NAA25: variants seen among roughly 807,000 people sequenced by gnomAD.
The protein encoded by NAA25 is N-alpha-acetyltransferase 25, NatB auxiliary subunit.
Under a neutral mutation model 132.5 loss-of-function variants are expected in NAA25, and 30 were observed. That is an observed-to-expected ratio of 0.23 (90% confidence interval 0.17 to 0.31). The LOEUF is 0.31. Among genes scored for constraint, NAA25 ranks in the 10% least tolerant of loss-of-function variants. NAA25 has a pLI of 1.00. For synonymous variants in NAA25, 359 were observed against 401.9 expected (o/e 0.89, Z 1.28); for missense variants, 771 against 1,150.4 (o/e 0.67, Z 4.77).
chr12:112,041,696 T>C (rs913959453), intron 20 of NAA25, among the ~76,000 whole-genome samples: 8 of 152,048 alleles, frequency 5.3e-5, no homozygotes, highest in African/African-American at 1.7e-4. Context: ...ATGTCACCAA[T>C]TGCGATAACA....
Position 112,047,802 on chromosome 12 carries a change from A to C in NAA25, c.1881-12T>G. The C allele has an allele frequency of 6.3e-7, 1 of 1,585,612 alleles. No homozygotes were observed. Among genetic ancestry groups the C allele is most frequent in the Non-Finnish European group, 8.5e-7 (1 of 1,169,598 alleles). On this transcript the variant is annotated splice_polypyrimidine_tract_variant and intron_variant, in intron 16 of 23. Coordinates refer to ENST00000261745, the MANE Select transcript of NAA25 (RefSeq NM_024953.4). Reference sequence around the variant, plus strand: ...CTAAACTGGTTGATCTGTGATAGAGAAAAATCCACATATTATTTTAATAGT... The same window carrying C: ...CTAAACTGGTTGATCTGTGATAGAGCAAAATCCACATATTATTTTAATAGT...
chr12:112,045,982 A>G (rs546025596), intron 17 of NAA25, among the ~76,000 whole-genome samples: 6 of 152,322 alleles, frequency 3.9e-5, no homozygotes, highest in African/African-American at 4.8e-5. Flanking sequence ...TTATGACAGT[A>G]TGTGTAGAAA....
rs2078288666 is a variant in NAA25 at position 112,040,586 on chromosome 12, C to G, written c.2441-8G>C. The G allele has an allele frequency of 6.7e-7, 1 of 1,502,572 alleles. No homozygotes were observed. The allele number at this position is 1,502,572 out of a possible 1,614,324, so 93.1% of individuals were successfully genotyped here. On this transcript the variant is annotated splice_polypyrimidine_tract_variant and splice_region_variant and intron_variant, in intron 20 of 23. Transcript: ENST00000261745. ...TACATTTACTGAAGACATCTGAAAACAAAAAACATTTTAGTTTTATTCAGC... is the reference window on the plus strand; with the variant it reads ...TACATTTACTGAAGACATCTGAAAAGAAAAAACATTTTAGTTTTATTCAGC...
intron 15 of NAA25, 65 bp from the exon 16 acceptor site, chr12:112,048,508 G>T: frequency 7.0e-7 from 1 of 1,430,946 alleles, no homozygotes; most frequent in Non-Finnish European, 9.7e-7. Flanking sequence ...AGCAAACCTT[G>T]CCAGCCAAAA....
chr12:112,094,173 G>A (rs1221264354), intron 1 of NAA25, among the ~76,000 whole-genome samples: 1 of 149,538 alleles, frequency 6.7e-6, no homozygotes, highest in South Asian at 2.1e-4. Flanking sequence ...CCCAGGAGGC[G>A]GAGCTTACAG....
intron 11 of NAA25, among the ~76,000 whole-genome samples, 164 bp downstream of exon 11, chr12:112,068,716 C>T (rs530673048): frequency 1.3e-5 from 2 of 152,278 alleles, no homozygotes; most frequent in African/African-American, 4.8e-5. Flanking sequence ...AGAAATTATG[C>T]CTTCAGTGTT....
chr12:112,031,447 A>G (rs756898187), intron 23 of NAA25, among the ~76,000 whole-genome samples: 1 of 152,222 alleles, frequency 6.6e-6, no homozygotes, highest in Non-Finnish European at 1.5e-5. Context: ...CCATAATCCT[A>G]TGAAGTAGGC....
intron 4 of NAA25, among the ~76,000 whole-genome samples, chr12:112,084,998 G>A (rs890427344): frequency 1.3e-5 from 2 of 152,092 alleles, no homozygotes; most frequent in African/African-American, 4.8e-5. Context: ...TTGGGAGGCT[G>A]AGGCAGGTGG....
intron 1 of NAA25, chr12:112,097,185 G>A (rs2079224510): frequency 6.6e-6 from 1 of 152,184 alleles, no homozygotes; most frequent in Non-Finnish European, 1.5e-5. Flanking sequence ...GCCAGAGTCA[G>A]TAAGTTACAA....
chr12:112,035,837 A>C (rs749176389), intron 22 of NAA25, among the ~76,000 whole-genome samples: 1 of 151,946 alleles, frequency 6.6e-6, no homozygotes, highest in Non-Finnish European at 1.5e-5. Context: ...ATGTGCCACC[A>C]TGCCCAACTA....
chr12:112,047,650 T>A lies in NAA25; in HGVS notation c.2006+15A>T, dbSNP rs1468986826. On this transcript the variant is annotated intron_variant, in intron 17 of 23. Transcript: ENST00000261745. ...CAAAAACTTTAAAAATTGCTTGGGGTTAAATTCCAGTTACCTGTCTTTTGG... is the reference window on the plus strand; with the variant it reads ...CAAAAACTTTAAAAATTGCTTGGGGATAAATTCCAGTTACCTGTCTTTTGG... The A allele has an allele frequency of 5.6e-6, 9 of 1,607,308 alleles. No homozygotes were observed. Among genetic ancestry groups the A allele is most frequent in the Non-Finnish European group, 7.6e-6 (9 of 1,178,338 alleles).
intron 5 of NAA25, 32 bp downstream of exon 5, chr12:112,081,028 A>C: frequency 6.4e-7 from 1 of 1,555,542 alleles, no homozygotes; most frequent in Non-Finnish European, 8.9e-7. Context: ...AATAAAACCA[A>C]ACCTCAATCC....
intron 22 of NAA25, among the ~76,000 whole-genome samples, chr12:112,036,705 T>C (rs985991026): frequency 6.6e-6 from 1 of 151,680 alleles, no homozygotes; most frequent in African/African-American, 2.4e-5. Flanking sequence ...AAAAACTAAC[T>C]GGGAGAGCGG....
Position 112,090,683 on chromosome 12 carries a change from T to A in NAA25, c.283+43A>T, listed in dbSNP as rs770566282. The A allele has an allele frequency of 3.1e-6, 5 of 1,594,292 alleles. No individual in the cohort carries two copies. The South Asian group carries it at 4.5e-5, about 14-fold the overall frequency. On this transcript the variant is annotated intron_variant, in intron 3 of 23. Transcript: ENST00000261745. ...GGCAAACAGTCAGAAATATCCAAAA[T>A]TTTCAGCTCAAGTTTAAAAACAATG...
chr12:112,037,088 T>C (rs567195161), intron 22 of NAA25, among the ~76,000 whole-genome samples: 2 of 151,872 alleles, frequency 1.3e-5, no homozygotes, highest in South Asian at 2.1e-4. Flanking sequence ...GGAGCATTTA[T>C]GCTGTTCCAG....
intron 8 of NAA25, 112 bp downstream of exon 8, chr12:112,075,566 T>C: frequency 2.5e-6 from 2 of 801,100 alleles, no homozygotes; most frequent in Non-Finnish European, 4.0e-6. Context: ...ACACAACTAC[T>C]ATAAGAAGAC....
intron 23 of NAA25, among the ~76,000 whole-genome samples, chr12:112,032,640 C>A (rs2078165018): frequency 6.6e-6 from 1 of 152,248 alleles, no homozygotes; most frequent in South Asian, 2.1e-4. Flanking sequence ...TACTCCAGGC[C>A]GGTGAATTAA....
intron 11 of NAA25, among the ~76,000 whole-genome samples, chr12:112,067,717 G>A (rs975657183): frequency 2.0e-5 from 3 of 151,994 alleles, no homozygotes; most frequent in Non-Finnish European, 2.9e-5. Context: ...TTAAATAAAC[G>A]GAATCATACT....
intron 1 of NAA25, among the ~76,000 whole-genome samples, chr12:112,102,973 C>T (rs1164145344): frequency 6.6e-6 from 1 of 151,570 alleles, no homozygotes; most frequent in Non-Finnish European, 1.5e-5. Context: ...CAGGCGTGAG[C>T]CACTGCACTC....
Sources: gnomAD v4.1 joint callset for allele counts (sites outside exome capture counted in the v4.1 genomes callset) on GRCh38, gnomAD v4.1.1 for gene constraint, MANE v1.5 for transcripts, NCBI Gene and HGNC (gene_info 2026-07-23, HGNC 2026-07-21) for gene names.